The following CDH9 variants were observed in gnomAD, a reference collection of about 807,000 sequenced individuals.
The protein encoded by CDH9 is cadherin 9.
In CDH9, 28 loss-of-function variants were observed where a neutral mutation model predicts 70.9. That is an observed-to-expected ratio of 0.40 (90% CI 0.29 to 0.54). The LOEUF is 0.54. Among genes scored for constraint, CDH9 ranks in the 20% least tolerant of loss-of-function variants. The pLI is 0.59. For synonymous variants in CDH9, 409 were observed against 343.1 expected (o/e 1.19, Z -2.12); for missense variants, 874 against 984.4 (o/e 0.89, Z 1.50).
intron 7 of CDH9, among the ~76,000 whole-genome samples, chr5:26,893,160 G>A (rs996411935): frequency 6.6e-6 from 1 of 152,010 alleles, no homozygotes; most frequent in Non-Finnish European, 1.5e-5. Context: ...TGAACTTAAG[G>A]GATCTATTAA....
chr5:26,881,568 T>G lies in CDH9; in HGVS notation c.1938A>C (p.Ile646=), dbSNP rs1021835970. Residue 646 remains isoleucine, a synonymous_variant, in exon 12 of 12, where the codon ATA becomes ATC. Coordinates refer to ENST00000231021, the MANE Select transcript of CDH9 (RefSeq NM_016279.4). ...LKRQRKKEPL[I]ISKDDVRDNI... is the part of the protein sequence containing the mutation. The stretch of plus-strand genomic sequence containing the variant: ...TGTCCCGGACATCGTCTTTTGAAAT[T>G]ATCAGAGGTTCCTTTTTTCTTTGCC... 7 of 1,613,014 alleles carry G rather than the reference T, an allele frequency of 4.3e-6. No individual in the cohort carries two copies. The highest frequency in any genetic ancestry group is 5.9e-6 in the Non-Finnish European group (7 of 1,179,564).
chr5:26,967,741 C>T (rs1208356111), intron 2 of CDH9, among the ~76,000 whole-genome samples: 1 of 152,012 alleles, frequency 6.6e-6, no homozygotes, highest in Non-Finnish European at 1.5e-5. Flanking sequence ...TCCTCTGTCA[C>T]CCAGGCTGGA....
intron 1 of CDH9, among the ~76,000 whole-genome samples, chr5:27,011,748 G>T (rs1051266131): frequency 6.6e-6 from 1 of 152,048 alleles, no homozygotes; most frequent in African/African-American, 2.4e-5. Context: ...ACAAAGAACA[G>T]AGAGTTAATA....
chr5:26,989,239 A>G (rs570634029), intron 1 of CDH9, among the ~76,000 whole-genome samples: 26 of 152,158 alleles, frequency 1.7e-4, no homozygotes, highest in African/African-American at 5.8e-4. Flanking sequence ...ATCATTGTTC[A>G]CTTGGTATTT....
chr5:26,900,003 AG>A (rs1740826792), intron 7 of CDH9, among the ~76,000 whole-genome samples: 1 of 152,084 alleles, frequency 6.6e-6, no homozygotes, highest in African/African-American at 2.4e-5. Context: ...ACAATATTAA[AG>A]ATAGCTTTCA....
intron 4 of CDH9, among the ~76,000 whole-genome samples, chr5:26,906,448 T>A (rs1740950320): frequency 6.6e-6 from 1 of 152,182 alleles, no homozygotes; most frequent in Admixed American, 6.6e-5. Context: ...GAGTATTCTC[T>A]ATGCCACATA....
intron 1 of CDH9, among the ~76,000 whole-genome samples, chr5:27,020,499 G>T (rs780882886): frequency 6.6e-6 from 1 of 151,408 alleles, no homozygotes; most frequent in African/African-American, 2.4e-5. Context: ...CTTTTCAGTA[G>T]CTTGAATTAT....
chr5:26,891,016 G>A lies in CDH9; in HGVS notation c.1254-452C>T, dbSNP rs374726412. Among the ~76,000 whole-genome samples the A allele has an allele frequency of 3.0e-4, 46 of 152,166 alleles. 1 individual carries two copies. Among genetic ancestry groups the A allele is most frequent in the East Asian group, 1.5e-3 (8 of 5,162 alleles). On this transcript the variant is annotated intron_variant, in intron 7 of 11. Coordinates refer to ENST00000231021, the MANE Select transcript of CDH9 (RefSeq NM_016279.4). Reference sequence around the variant, plus strand: ...CGAGAAGGCTATTATAAAATACATCGCTCTTGAATGTTTTTTTATTCAAGG... The same window carrying A: ...CGAGAAGGCTATTATAAAATACATCACTCTTGAATGTTTTTTTATTCAAGG...
chr5:26,898,661 A>G (rs1444000228), intron 7 of CDH9, among the ~76,000 whole-genome samples: 1 of 152,200 alleles, frequency 6.6e-6, no homozygotes, highest in Non-Finnish European at 1.5e-5. Context: ...ACATAATACA[A>G]AAATTCACTC....
At chr5:26,959,805 A>C (rs966095351) in intron 2 of CDH9, among the ~76,000 whole-genome samples, 1 of 152,098 alleles carries the variant, frequency 6.6e-6, no homozygotes, top group Non-Finnish European at 1.5e-5. Flanking sequence ...AATACAAAAT[A>C]TCCAGAATAG....
chr5:26,976,831 A>G (rs531857343), intron 2 of CDH9, among the ~76,000 whole-genome samples: 6 of 152,060 alleles, frequency 3.9e-5, no homozygotes, highest in Admixed American at 3.9e-4. Flanking sequence ...GGTTTAATTT[A>G]TATCTTCTCT....
At chr5:27,005,262 A>G (rs1419231546) in intron 1 of CDH9, among the ~76,000 whole-genome samples, 1 of 152,144 alleles carries the variant, frequency 6.6e-6, no homozygotes, top group African/African-American at 2.4e-5. Context: ...TTCTTAAGAA[A>G]TTAGTCATAT....
chr5:26,970,406 T>C (rs1742198957), intron 2 of CDH9, among the ~76,000 whole-genome samples: 1 of 152,012 alleles, frequency 6.6e-6, no homozygotes, highest in Non-Finnish European at 1.5e-5. Context: ...TTATCTATAG[T>C]TTTCTAACAA....
chr5:26,948,797 G>C (rs1473663062), intron 2 of CDH9, among the ~76,000 whole-genome samples: 1 of 152,172 alleles, frequency 6.6e-6, no homozygotes, highest in Non-Finnish European at 1.5e-5. Flanking sequence ...TGACAAAAAA[G>C]GCTATATCTA....
chr5:26,998,289 C>A (rs1009804500), intron 1 of CDH9, among the ~76,000 whole-genome samples: 1 of 152,144 alleles, frequency 6.6e-6, no homozygotes, highest in East Asian at 1.9e-4. Flanking sequence ...CTGATGTTTA[C>A]TGTGGCACTA....
Position 26,885,667 on chromosome 5 carries a change from C to T in CDH9, c.1829G>A (p.Gly610Asp), listed in dbSNP as rs200287957. 5 of 1,613,720 alleles carry T rather than the reference C, an allele frequency of 3.1e-6. No homozygotes were observed. Among genetic ancestry groups the T allele is most frequent in the Non-Finnish European group, 3.4e-6 (4 of 1,179,870 alleles). The change falls in exon 11 of 12, where the codon GGC becomes GAC. Residue 610 changes from glycine to aspartate, a missense_variant. Gly to Asp is a moderately conservative substitution (Grantham distance 94). Transcript: ENST00000231021. ...CTAEALILSA[G>D]LSTGALVAIL... ...CGCAACGAGAGCTCCCGTGCTCAGG[C>T]CGGCTGAAAGGATCAGGGCTTCTGC...
chr5:27,015,078 A>T (rs549727605), intron 1 of CDH9, among the ~76,000 whole-genome samples: 1 of 152,008 alleles, frequency 6.6e-6, no homozygotes, highest in Non-Finnish European at 1.5e-5. Flanking sequence ...CACTTTACAC[A>T]TATTTCACGT....
At chr5:26,991,028 G>A (rs746765293) in intron 1 of CDH9, among the ~76,000 whole-genome samples, 11 of 152,182 alleles carry the variant, frequency 7.2e-5, no homozygotes, top group Non-Finnish European at 1.0e-4. Context: ...TTTTCAGTGC[G>A]ATTGAAAGCA....
intron 2 of CDH9, among the ~76,000 whole-genome samples, chr5:26,963,138 A>G (rs35393375): frequency 0.075 from 11,417 of 152,300 alleles, 486 homozygotes; most frequent in Middle Eastern, 0.18. Context: ...ATTAAATCGC[A>G]TTAGAATTAA....
Sources: gnomAD v4.1 joint callset for allele counts (sites outside exome capture counted in the v4.1 genomes callset) on GRCh38, gnomAD v4.1.1 for gene constraint, MANE v1.5 for transcripts, NCBI Gene and HGNC (gene_info 2026-07-23, HGNC 2026-07-21) for gene names.